The following NRXN3 variants were observed in gnomAD, a reference collection of about 807,000 sequenced individuals.
NRXN3 encodes the protein neurexin III.
A neutral mutation model predicts 137.6 loss-of-function variants in NRXN3; 32 were observed. The ratio of observed to expected loss-of-function variants is 0.23; its 90% CI spans 0.18 to 0.31. The LOEUF (loss-of-function observed/expected upper bound fraction) is 0.31. NRXN3 is among the 10% of genes least tolerant of loss of function. The pLI, the probability that NRXN3 is intolerant of heterozygous loss-of-function variation, is 1.00. For missense variants in NRXN3, 1,574 were observed against 2,062.5 expected, an observed-to-expected ratio of 0.76 and a Z score of 4.59; for synonymous variants, 798 against 784.5, an observed-to-expected ratio of 1.02 and a Z score of -0.29.
intron 15 of NRXN3, among the ~76,000 whole-genome samples, chr14:79,419,110 A>G (rs915738778): frequency 6.6e-6 from 1 of 152,216 alleles, no homozygotes; most frequent in Non-Finnish European, 1.5e-5. Context: ...TAATTTGTGA[A>G]ACTTAGATGA....
chr14:79,146,541 A>C (rs1885465765), intron 15 of NRXN3, among the ~76,000 whole-genome samples: 1 of 152,100 alleles, frequency 6.6e-6, no homozygotes, highest in South Asian at 2.1e-4. Context: ...TAGAGTTGTC[A>C]GGAGTGGACT....
At chr14:78,249,743 C>T (rs945268911) in intron 2 of NRXN3, among the ~76,000 whole-genome samples, 2 of 152,170 alleles carry the variant, frequency 1.3e-5, no homozygotes, top group African/African-American at 2.4e-5. Flanking sequence ...TTCATTGGCT[C>T]ATCTATTTCT....
At chr14:79,786,187 G>A (rs1026959206) in intron 19 of NRXN3, among the ~76,000 whole-genome samples, 1 of 152,158 alleles carries the variant, frequency 6.6e-6, no homozygotes, top group Non-Finnish European at 1.5e-5. Context: ...GAGAATTAAA[G>A]CTATAGACTG....
At chr14:78,910,238 G>C (rs1315199763) in intron 10 of NRXN3, among the ~76,000 whole-genome samples, 1 of 152,052 alleles carries the variant, frequency 6.6e-6, no homozygotes, top group East Asian at 1.9e-4. Context: ...GAGCCTGACT[G>C]CTTGGATTTA....
At chr14:79,217,552 A>C (rs1392431107) in intron 15 of NRXN3, among the ~76,000 whole-genome samples, 1 of 152,242 alleles carries the variant, frequency 6.6e-6, no homozygotes, top group Non-Finnish European at 1.5e-5. Context: ...AACATATGGG[A>C]ACATATAAGT....
At chr14:78,501,585 G>A (rs1180221618) in intron 4 of NRXN3, among the ~76,000 whole-genome samples, 1 of 152,156 alleles carries the variant, frequency 6.6e-6, no homozygotes, top group East Asian at 1.9e-4. Flanking sequence ...AGGTGGAGAA[G>A]GTTATACTTG....
At chr14:79,264,816 G>C (rs1295054738) in intron 15 of NRXN3, among the ~76,000 whole-genome samples, 1 of 152,014 alleles carries the variant, frequency 6.6e-6, no homozygotes, top group Non-Finnish European at 1.5e-5. Context: ...ATGCAAATAA[G>C]TCTATCAAAA....
At chr14:79,747,681 T>C (rs1225894445) in intron 19 of NRXN3, among the ~76,000 whole-genome samples, 1 of 152,184 alleles carries the variant, frequency 6.6e-6, no homozygotes, top group African/African-American at 2.4e-5. Flanking sequence ...TTGTTATTGA[T>C]TTCAGGTTTT....
At chr14:78,801,906 T>C (rs2153078485) in intron 8 of NRXN3, among the ~76,000 whole-genome samples, 1 of 152,326 alleles carries the variant, frequency 6.6e-6, no homozygotes, top group Middle Eastern at 3.4e-3. Flanking sequence ...ATTTCCTGTG[T>C]CATTTAACCA....
chr14:78,171,341 AGT>A (rs150864901), intron 1 of NRXN3, among the ~76,000 whole-genome samples: 25 of 143,396 alleles, frequency 1.7e-4, no homozygotes, highest in South Asian at 6.7e-4. Flanking sequence ...TGTGTGTGTG[AGT>A]GTGTGTGTGT....
At chr14:78,213,275 A>G (rs1190290624) in intron 1 of NRXN3, among the ~76,000 whole-genome samples, 1 of 68,668 alleles carries the variant, frequency 1.5e-5, no homozygotes, top group African/African-American at 7.9e-5. Context: ...CTGATCTGAG[A>G]TGGGGGAAGA....
At chr14:78,647,135 A>G (rs2097695853) in intron 5 of NRXN3, among the ~76,000 whole-genome samples, 1 of 152,198 alleles carries the variant, frequency 6.6e-6, no homozygotes, top group Non-Finnish European at 1.5e-5. Context: ...TGAAAGGCTC[A>G]CTTTTGTTTC....
chr14:78,495,560 A>T (rs2095763971), intron 4 of NRXN3, among the ~76,000 whole-genome samples: 1 of 152,152 alleles, frequency 6.6e-6, no homozygotes, highest in African/African-American at 2.4e-5. Context: ...TGCAGCAAAA[A>T]CTACACATCT....
chr14:78,988,270 T>G, intron 15 of NRXN3, 129 bp downstream of exon 15: 1 of 1,201,902 alleles, frequency 8.3e-7, no homozygotes, highest in Non-Finnish European at 1.2e-6. Context: ...TCCAGAAACT[T>G]GGGAAATAAA....
chr14:79,295,674 A>G (rs184530803), intron 15 of NRXN3, among the ~76,000 whole-genome samples: 44 of 152,244 alleles, frequency 2.9e-4, no homozygotes, highest in Admixed American at 2.6e-3. Context: ...CTTCACAAAT[A>G]TGGGCTCCCA....
At chr14:78,777,310 T>C (rs1595757463) in intron 8 of NRXN3, among the ~76,000 whole-genome samples, 3 of 152,342 alleles carry the variant, frequency 2.0e-5, no homozygotes, top group Admixed American at 2.0e-4. Flanking sequence ...AAGGTTTGAC[T>C]TACAGAGAAT....
chr14:78,471,835 G>A (rs186545013), intron 4 of NRXN3, among the ~76,000 whole-genome samples: 3 of 152,156 alleles, frequency 2.0e-5, no homozygotes, highest in African/African-American at 7.2e-5. Context: ...TTGCTAGTTG[G>A]GGCTTAGGCC....
intron 15 of NRXN3, among the ~76,000 whole-genome samples, chr14:79,231,154 G>T (rs534606477): frequency 6.6e-6 from 1 of 152,058 alleles, no homozygotes; most frequent in African/African-American, 2.4e-5. Flanking sequence ...TCATGCCATC[G>T]GGCTGTCTTG....
At chr14:79,564,715 T>G (rs1311094070) in intron 16 of NRXN3, among the ~76,000 whole-genome samples, 2 of 152,152 alleles carry the variant, frequency 1.3e-5, no homozygotes, top group Non-Finnish European at 2.9e-5. Context: ...ATATTCTGAA[T>G]GATCTTGTTG....
Sources: gnomAD v4.1 joint callset for allele counts (sites outside exome capture counted in the v4.1 genomes callset) on GRCh38, gnomAD v4.1.1 for gene constraint, MANE v1.5 for transcripts, NCBI Gene and HGNC (gene_info 2026-07-23, HGNC 2026-07-21) for gene names.